Variants in SDK1 observed in about 807,000 individuals in gnomAD.
SDK1 encodes protein sidekick-1.
A neutral mutation model predicts 245.5 loss-of-function variants in SDK1; 157 were observed. That is an observed-to-expected ratio of 0.64 (90% confidence interval 0.56 to 0.73). The LOEUF (loss-of-function observed/expected upper bound fraction) is 0.73. Ranked by LOEUF, SDK1 falls within the 30% of genes least tolerant of loss-of-function variation. The pLI is 0.00. For missense variants in SDK1, 3,583 were observed against 3,002.3 expected, an observed-to-expected ratio of 1.19 and a Z score of -4.52; for synonymous variants, 1,647 against 1,278.5, an observed-to-expected ratio of 1.29 and a Z score of -6.15.
intron 19 of SDK1, among the ~76,000 whole-genome samples, chr7:4,053,454 T>C (rs539388801): frequency 2.0e-5 from 3 of 152,118 alleles, no homozygotes; most frequent in Non-Finnish European, 4.4e-5. Flanking sequence ...ATGGCGCTAT[T>C]ACTTCTTCCA....
intron 1 of SDK1, among the ~76,000 whole-genome samples, chr7:3,397,425 G>A (rs139930970): frequency 5.7e-4 from 86 of 151,584 alleles, no homozygotes; most frequent in African/African-American, 1.9e-3. Flanking sequence ...TTTAATTTTC[G>A]TTTTTGAAGG....
At chr7:4,080,975 T>C (rs1345024993) in intron 22 of SDK1, among the ~76,000 whole-genome samples, 1 of 152,226 alleles carries the variant, frequency 6.6e-6, no homozygotes, top group African/African-American at 2.4e-5. Flanking sequence ...AGAATCACAA[T>C]GTCTCATGAA....
intron 1 of SDK1, among the ~76,000 whole-genome samples, chr7:3,580,981 A>AC (rs1473738220): frequency 7.2e-6 from 1 of 139,288 alleles, no homozygotes; most frequent in Admixed American, 7.4e-5. Context: ...AAAAAAAAAA[A>AC]AAAAAAAAAA....
chr7:3,718,131 G>A (rs1202270387), intron 4 of SDK1, among the ~76,000 whole-genome samples: 3 of 152,158 alleles, frequency 2.0e-5, no homozygotes, highest in African/African-American at 7.2e-5. Context: ...ATCAACTCAT[G>A]TAAGTCATAC....
In SDK1 at chr7:3,639,000, A is replaced by T. The variant is rs781311699; in HGVS notation, c.459-4A>T. The T allele has an allele frequency of 6.3e-7, 1 of 1,583,540 alleles. No individual in the cohort carries two copies. Among genetic ancestry groups the T allele is most frequent in the Non-Finnish European group, 8.6e-7 (1 of 1,156,732 alleles). On this transcript the variant is annotated splice_polypyrimidine_tract_variant and splice_region_variant and intron_variant, in intron 2 of 44. Coordinates refer to ENST00000404826, the MANE Select transcript of SDK1 (RefSeq NM_152744.4). ...CATTAACACTTCTTTTTGCTATTCA[A>T]CAGGTACATTATTCCATCTTTGCAG...
At chr7:3,538,481 GA>G (rs1361322250) in intron 1 of SDK1, among the ~76,000 whole-genome samples, 1 of 152,100 alleles carries the variant, frequency 6.6e-6, no homozygotes, top group Non-Finnish European at 1.5e-5. Flanking sequence ...TATTTACCGT[GA>G]ATCAATGTCA....
At chr7:3,367,921 A>G (rs573292469) in intron 1 of SDK1, among the ~76,000 whole-genome samples, 6 of 152,364 alleles carry the variant, frequency 3.9e-5, no homozygotes, top group Non-Finnish European at 7.3e-5. Context: ...ATAAACCAGA[A>G]CATTCTTAAA....
intron 1 of SDK1, among the ~76,000 whole-genome samples, chr7:3,330,530 C>G (rs1167750981): frequency 2.6e-5 from 4 of 152,084 alleles, no homozygotes; most frequent in Non-Finnish European, 5.9e-5. Flanking sequence ...GAGATTTGCA[C>G]TGACATGCAT....
chr7:4,132,378 C>T lies in SDK1; in HGVS notation c.4183C>T (p.Arg1395Trp), dbSNP rs574885616. The change falls in exon 28 of 45, where the codon CGG becomes TGG. Residue 1395 changes from arginine to tryptophan, a missense_variant. By Grantham distance (101) the Arg-to-Trp change is moderately radical. Coordinates refer to ENST00000404826, the MANE Select transcript of SDK1 (RefSeq NM_152744.4). ...CCCCGAAGTGAGACTCACCTCCGTG[C>T]GGATAGTGTGGCAACCTCCGGAGGA... ...VFPEVRLTSV[R>W]IVWQPPEEPN... The T allele has an allele frequency of 6.0e-5, 96 of 1,613,026 alleles. No individual in the cohort carries two copies. In the South Asian group the frequency reaches 8.1e-4, roughly 14 times the overall value.
rs1199227158 is a variant in SDK1 at position 4,127,390 on chromosome 7, C to A, written c.3833C>A (p.Ala1278Asp). 1.9e-6 allele frequency: 3 copies of A among 1,613,760 alleles called. No homozygotes were observed. The African/African-American group carries it at 4.0e-5, about 22-fold the overall frequency. The change falls in exon 26 of 45, where the codon GCC becomes GAC. Residue 1278 changes from alanine (A) to aspartate (D), a missense_variant. Ala to Asp is a moderately radical substitution (Grantham distance 126). Coordinates refer to ENST00000404826, the MANE Select transcript of SDK1 (RefSeq NM_152744.4). ...RGRTRESVPS[A>D]APENVSAEAV... The stretch of plus-strand genomic sequence containing the variant: ...CATTGGTTCTTTGCAGTTCCTTCAG[C>A]CGCCCCTGAGAACGTGTCAGCCGAG...
At chr7:3,662,168 C>A (rs1182054353) in intron 4 of SDK1, among the ~76,000 whole-genome samples, 1 of 148,902 alleles carries the variant, frequency 6.7e-6, no homozygotes, top group Non-Finnish European at 1.5e-5. Context: ...ATCCTTTATT[C>A]GAACAAAAGT....
chr7:3,828,787 GA>G (rs770016300), intron 5 of SDK1, among the ~76,000 whole-genome samples: 42 of 151,518 alleles, frequency 2.8e-4, no homozygotes, highest in Non-Finnish European at 5.3e-4. Context: ...GAGTAGCTGG[GA>G]CTACAGGCAT....
At chr7:3,343,367 G>C (rs531019609) in intron 1 of SDK1, among the ~76,000 whole-genome samples, 2 of 152,290 alleles carry the variant, frequency 1.3e-5, no homozygotes, top group African/African-American at 2.4e-5. Flanking sequence ...CACCTACTGT[G>C]AATCTCCACA....
intron 1 of SDK1, among the ~76,000 whole-genome samples, chr7:3,537,002 A>C (rs993701969): frequency 1.3e-5 from 2 of 152,192 alleles, no homozygotes; most frequent in Non-Finnish European, 2.9e-5. Flanking sequence ...ATTGAAGTAT[A>C]ATTTACACAT....
At chr7:4,184,200 C>T (rs1205783525) in intron 35 of SDK1, among the ~76,000 whole-genome samples, 1 of 152,222 alleles carries the variant, frequency 6.6e-6, no homozygotes, top group Non-Finnish European at 1.5e-5. Context: ...CGGCTGGAAG[C>T]TTCAGAGCAC....
intron 43 of SDK1, among the ~76,000 whole-genome samples, chr7:4,244,898 C>T (rs1786752370): frequency 6.6e-6 from 1 of 152,178 alleles, no homozygotes; most frequent in Non-Finnish European, 1.5e-5. Context: ...GCCATGGGGT[C>T]CTCTCCAGGG....
intron 1 of SDK1, among the ~76,000 whole-genome samples, chr7:3,567,104 T>C (rs993566386): frequency 2.0e-5 from 3 of 152,240 alleles, no homozygotes; most frequent in Admixed American, 6.5e-5. Context: ...GCCTGAGGTA[T>C]AGCATCATTA....
intron 13 of SDK1, among the ~76,000 whole-genome samples, chr7:3,984,688 C>T (rs1783685246): frequency 6.6e-6 from 1 of 152,160 alleles, no homozygotes. Context: ...CTGTGTGTGT[C>T]TGCAGAGCTG....
intron 18 of SDK1, 129 bp from the exon 19 acceptor site, chr7:4,051,509 T>C: frequency 1.3e-6 from 1 of 748,570 alleles, no homozygotes; most frequent in Admixed American, 3.4e-5. Context: ...GATTATAAAA[T>C]GCAGGATTTA....
Sources: gnomAD v4.1 joint callset for allele counts (sites outside exome capture counted in the v4.1 genomes callset) on GRCh38, gnomAD v4.1.1 for gene constraint, MANE v1.5 for transcripts, NCBI Gene and HGNC (gene_info 2026-07-23, HGNC 2026-07-21) for gene names.